Variants in DENND2B observed in about 807,000 individuals in gnomAD.
DENND2B encodes DENN domain-containing protein 2B.
In DENND2B, 32 loss-of-function variants were observed where a neutral mutation model predicts 116.0. The observed-to-expected ratio is 0.28, with a 90% CI of 0.21 to 0.37. The LOEUF is 0.37. DENND2B is among the 10% of genes least tolerant of loss of function. The pLI is 1.00. For missense variants in DENND2B, 1,276 were observed against 1,477.7 expected, an observed-to-expected ratio of 0.86 and a Z score of 2.24; for synonymous variants, 588 against 583.9, an observed-to-expected ratio of 1.01 and a Z score of -0.10.
intron 1 of DENND2B, among the ~76,000 whole-genome samples, chr11:8,794,084 C>T (rs899058955): frequency 2.0e-5 from 3 of 152,182 alleles, no homozygotes; most frequent in Non-Finnish European, 2.9e-5. Flanking sequence ...TTCTGCCTTA[C>T]GTATTCCCCA....
At chr11:8,738,724 C>T (rs1437533873) in intron 2 of DENND2B, among the ~76,000 whole-genome samples, 1 of 152,220 alleles carries the variant, frequency 6.6e-6, no homozygotes, top group East Asian at 1.9e-4. Context: ...ACTGATCATG[C>T]TTGAAACTCC....
intron 1 of DENND2B, among the ~76,000 whole-genome samples, chr11:8,779,514 CTT>C (rs771481403): frequency 1.3e-4 from 4 of 31,426 alleles, no homozygotes; most frequent in Non-Finnish European, 8.8e-5. Flanking sequence ...TTCTTTCTTT[CTT>C]TTTTTTTTTT....
At chr11:8,703,609 A>G (rs1229226356) in intron 13 of DENND2B, 1 of 152,270 alleles carries the variant, frequency 6.6e-6, no homozygotes, top group African/African-American at 2.4e-5. Context: ...GGCCTCCTGA[A>G]AACTAGGGTG....
intron 1 of DENND2B, among the ~76,000 whole-genome samples, chr11:8,904,807 T>C (rs544843831): frequency 1.3e-5 from 2 of 152,270 alleles, no homozygotes; most frequent in South Asian, 4.1e-4. Flanking sequence ...AGAAAACAAT[T>C]TCATTCACAA....
chr11:8,747,282 G>C (rs1010416733), intron 2 of DENND2B, among the ~76,000 whole-genome samples: 2 of 152,124 alleles, frequency 1.3e-5, no homozygotes, highest in Admixed American at 6.6e-5. Context: ...TCAAACTCAA[G>C]GCTGATACAG....
intron 2 of DENND2B, among the ~76,000 whole-genome samples, chr11:8,865,502 G>T (rs2063544226): frequency 6.6e-6 from 1 of 152,048 alleles, no homozygotes; most frequent in East Asian, 1.9e-4. Flanking sequence ...AGAAAGCTCA[G>T]CTTGTTTAGC....
intron 2 of DENND2B, among the ~76,000 whole-genome samples, chr11:8,746,509 C>T (rs192175285): frequency 3.9e-5 from 6 of 152,298 alleles, no homozygotes; most frequent in Admixed American, 3.9e-4. Flanking sequence ...AAGACCCACA[C>T]AAATATCCAC....
At position 8,881,111 on chromosome 11, in the gene DENND2B, T is replaced by A. The variant is rs1482647712; in HGVS notation, c.-255-2A>T. On this transcript the variant is annotated splice_acceptor_variant, in intron 1 of 22. Coordinates refer to the DENND2B transcript ENST00000534127. LOFTEE classifies it low-confidence loss of function (5UTR_SPLICE). ...CCTCCAGTGGTTTTCTGTGAAAGGC[T>A]GCAGAGGAGGTAAATTTTTTTTTAC... 1 of 152,178 alleles carries A rather than the reference T, an allele frequency of 6.6e-6. No individual in the cohort carries two copies. The highest frequency in any genetic ancestry group is 6.6e-5 in the Admixed American group (1 of 15,266). The allele number at this position is 152,178 out of a possible 1,614,324, so 9.4% of individuals were successfully genotyped here.
At chr11:8,878,829 T>A (rs1229579031) in intron 2 of DENND2B, among the ~76,000 whole-genome samples, 1 of 152,176 alleles carries the variant, frequency 6.6e-6, no homozygotes, top group Non-Finnish European at 1.5e-5. Flanking sequence ...TCACATATTG[T>A]ATGATTCCAT....
chr11:8,743,766 T>C (rs940753078), intron 2 of DENND2B, among the ~76,000 whole-genome samples: 7 of 151,592 alleles, frequency 4.6e-5, no homozygotes, highest in Non-Finnish European at 8.8e-5. Flanking sequence ...TTTTTTTTTT[T>C]CTTTGAAACA....
intron 1 of DENND2B, among the ~76,000 whole-genome samples, chr11:8,759,655 A>G (rs2054236194): frequency 6.6e-6 from 1 of 152,256 alleles, no homozygotes; most frequent in Non-Finnish European, 1.5e-5. Flanking sequence ...GGAAAGGGCC[A>G]GCAATACAGT....
At chr11:8,821,844 T>C (rs1469485842) in intron 4 of DENND2B, among the ~76,000 whole-genome samples, 1 of 152,138 alleles carries the variant, frequency 6.6e-6, no homozygotes, top group Non-Finnish European at 1.5e-5. Flanking sequence ...CAGGCTGGAG[T>C]GGAGTGGCAA....
intron 1 of DENND2B, chr11:8,771,587 C>G (rs1354869527): frequency 9.9e-6 from 1 of 101,470 alleles, no homozygotes; most frequent in Non-Finnish European, 2.0e-5. Flanking sequence ...CAGTTCTGGG[C>G]ACAGCTTCAA....
chr11:8,797,022 A>T (rs1051195398), intron 1 of DENND2B, among the ~76,000 whole-genome samples: 3 of 152,138 alleles, frequency 2.0e-5, no homozygotes, highest in Non-Finnish European at 2.9e-5. Flanking sequence ...AAAGGAAAAA[A>T]CTCATTAGAT....
chr11:8,806,691 C>A (rs900763764), intron 1 of DENND2B, among the ~76,000 whole-genome samples: 1 of 147,334 alleles, frequency 6.8e-6, no homozygotes, highest in African/African-American at 2.5e-5. Flanking sequence ...TCAGGTGTTT[C>A]TATCAGCACA....
intron 2 of DENND2B, among the ~76,000 whole-genome samples, chr11:8,733,560 T>C (rs965442033): frequency 1.3e-5 from 2 of 152,214 alleles, no homozygotes; most frequent in African/African-American, 4.8e-5. Flanking sequence ...TCACAATCTC[T>C]TGGGAAGCCT....
intron 8 of DENND2B, among the ~76,000 whole-genome samples, chr11:8,713,031 C>T (rs1457507903): frequency 6.6e-6 from 1 of 152,188 alleles, no homozygotes. Context: ...TTGGCACCCA[C>T]TCTGTCCCTG....
intron 14 of DENND2B, among the ~76,000 whole-genome samples, chr11:8,701,657 C>T (rs1393617334): frequency 1.3e-5 from 2 of 152,090 alleles, no homozygotes; most frequent in Admixed American, 1.3e-4. Flanking sequence ...TCATCGGAGC[C>T]GTATCACTTG....
rs2043924559 is a variant in DENND2B, at chr11:8,712,428, G to A, written c.2172+123C>T. On this transcript the variant is annotated intron_variant, in intron 9 of 19. Coordinates refer to ENST00000313726, the MANE Select transcript of DENND2B (RefSeq NM_213618.2). This position sits in a 1 kb window ranked among gnomAD's most constrained non-coding sequence, Gnocchi z 4.4. ...TCCTGGCTGAGAGGAGGCAGGTTCAGGGCTGTGGCAGCTCGGTGAGGACGT... is the reference window on the plus strand; with the variant it reads ...TCCTGGCTGAGAGGAGGCAGGTTCAAGGCTGTGGCAGCTCGGTGAGGACGT... 2 of 1,171,464 alleles carry A rather than the reference G, an allele frequency of 1.7e-6. No homozygotes were observed. Among genetic ancestry groups the A allele is most frequent in the African/African-American group, 3.1e-5 (2 of 64,822 alleles). 72.6% of individuals were successfully genotyped at this position (1,171,464 alleles called of 1,614,324 possible).
Sources: gnomAD v4.1 joint callset for allele counts (sites outside exome capture counted in the v4.1 genomes callset) on GRCh38, gnomAD v4.1.1 for gene constraint, Gnocchi (gnomAD v3.1) non-coding constraint, MANE v1.5 for transcripts, NCBI Gene and HGNC (gene_info 2026-07-23, HGNC 2026-07-21) for gene names.